The following EDIL3 variants were observed in gnomAD, a reference collection of about 807,000 sequenced individuals.
EDIL3 encodes EGF-like repeat and discoidin I-like domain-containing protein 3.
A neutral mutation model predicts 67.4 loss-of-function variants in EDIL3; 37 were observed. That is an observed-to-expected ratio of 0.55 (90% CI 0.42 to 0.72). The LOEUF (loss-of-function observed/expected upper bound fraction) is 0.72. Ranked by LOEUF, EDIL3 falls within the 30% of genes least tolerant of loss-of-function variation. The probability of loss-of-function intolerance (pLI) is 0.00; values close to 1 mark genes in which losing one functional copy is unlikely to be tolerated. For missense variants in EDIL3, 527 were observed against 586.3 expected (o/e 0.90, Z 1.04); for synonymous variants, 195 against 196.3 (o/e 0.99, Z 0.05).
In EDIL3 at chr5:84,252,493, C is replaced by CAAAAAAAAAAAAAAAAAAAAAAAAAAA. The variant is rs70975548; in HGVS notation, c.196+1590_196+1591insTTTTTTTTTTTTTTTTTTTTTTTTTTT. ...TGTGCGACAAAGTGAGACTCCGTCT[C>CAAAAAAAAAAAAAAAAAAAAAAAAAAA]AAAAAAAAAAAAAAAAAAAAAAAAA... On this transcript the variant is annotated intron_variant, in intron 2 of 10. Transcript: ENST00000296591. Among the ~76,000 whole-genome samples, 66 of 28,944 alleles carry CAAAAAAAAAAAAAAAAAAAAAAAAAAA rather than the reference C, an allele frequency of 2.3e-3. 10 individuals are homozygous for CAAAAAAAAAAAAAAAAAAAAAAAAAAA. Among genetic ancestry groups the CAAAAAAAAAAAAAAAAAAAAAAAAAAA allele is most frequent in the East Asian group, 0.011 (4 of 366 alleles). The allele number at this position is 28,944 out of a possible 152,430, so 19.0% of individuals were successfully genotyped here. A position where few individuals can be genotyped will look rare whatever the true frequency, so the allele number is the denominator to read the frequency against.
intron 1 of EDIL3, among the ~76,000 whole-genome samples, chr5:84,265,379 T>C (rs1016846026): frequency 7.9e-5 from 12 of 152,230 alleles, no homozygotes; most frequent in African/African-American, 2.9e-4. Flanking sequence ...TATATGCTTA[T>C]CTATTTAGTG....
intron 5 of EDIL3, among the ~76,000 whole-genome samples, chr5:84,111,137 C>G (rs1251441880): frequency 6.6e-6 from 1 of 152,132 alleles, no homozygotes; most frequent in African/African-American, 2.4e-5. Flanking sequence ...GCTTGCTTCC[C>G]CTTTGCCCTT....
intron 6 of EDIL3, among the ~76,000 whole-genome samples, chr5:84,075,844 A>G (rs1240763454): frequency 6.6e-6 from 1 of 151,432 alleles, no homozygotes; most frequent in Non-Finnish European, 1.5e-5. Context: ...AACCTTGTAC[A>G]AATTATCAAA....
intron 1 of EDIL3, among the ~76,000 whole-genome samples, chr5:84,257,267 C>G (rs1266359643): frequency 6.6e-6 from 1 of 152,102 alleles, no homozygotes; most frequent in Non-Finnish European, 1.5e-5. Flanking sequence ...GGCATGTGGG[C>G]CAGTCATATC....
chr5:83,979,574 T>C (rs1406881050), intron 9 of EDIL3, among the ~76,000 whole-genome samples: 1 of 152,120 alleles, frequency 6.6e-6, no homozygotes, highest in Non-Finnish European at 1.5e-5. Flanking sequence ...TGTATCAACT[T>C]GGAAAAATCT....
chr5:84,103,534 ACTT>A (rs965640647), intron 6 of EDIL3, among the ~76,000 whole-genome samples: 10 of 151,806 alleles, frequency 6.6e-5, no homozygotes, highest in African/African-American at 2.2e-4. Flanking sequence ...AAAACAAACA[ACTT>A]CATTAAAAAG....
At chr5:84,006,560 A>C (rs1029686453) in intron 9 of EDIL3, among the ~76,000 whole-genome samples, 2 of 152,132 alleles carry the variant, frequency 1.3e-5, no homozygotes, top group Non-Finnish European at 2.9e-5. Flanking sequence ...AATAGATACC[A>C]GGGCCTACTT....
At chr5:84,357,446 T>C (rs1294120298) in intron 1 of EDIL3, among the ~76,000 whole-genome samples, 1 of 152,156 alleles carries the variant, frequency 6.6e-6, no homozygotes, top group Non-Finnish European at 1.5e-5. Context: ...AGATGGCCCA[T>C]TTATCTCTAG....
chr5:84,056,825 C>T (rs1746457183), intron 9 of EDIL3, among the ~76,000 whole-genome samples: 1 of 152,074 alleles, frequency 6.6e-6, no homozygotes, highest in Non-Finnish European at 1.5e-5. Context: ...TCAGAGGCGT[C>T]TGATTTTATA....
At chr5:84,338,028 T>C (rs1160082740) in intron 1 of EDIL3, among the ~76,000 whole-genome samples, 1 of 152,150 alleles carries the variant, frequency 6.6e-6, no homozygotes, top group African/African-American at 2.4e-5. Context: ...TAAATATGCA[T>C]AGTGATCAAA....
chr5:84,044,940 T>C (rs1336224811), intron 9 of EDIL3, among the ~76,000 whole-genome samples: 2 of 152,116 alleles, frequency 1.3e-5, no homozygotes, highest in Non-Finnish European at 2.9e-5. Context: ...TAGTCCATTT[T>C]CACACTGCTG....
chr5:84,190,180 C>A (rs958748688), intron 3 of EDIL3, among the ~76,000 whole-genome samples: 3 of 151,876 alleles, frequency 2.0e-5, no homozygotes, highest in Non-Finnish European at 4.4e-5. Flanking sequence ...GATTTCCATG[C>A]AAAATTTCTT....
chr5:84,331,944 A>T (rs941534337), intron 1 of EDIL3, among the ~76,000 whole-genome samples: 5 of 152,318 alleles, frequency 3.3e-5, no homozygotes, highest in African/African-American at 1.2e-4. Flanking sequence ...CAAATTGGCA[A>T]TTATGTTGTG....
chr5:84,195,113 T>C lies in EDIL3; in HGVS notation c.227-14592A>G, dbSNP rs549911035. ...AATGATCACAATGTCACCATCTGAA[T>C]GGACAAAAAAGCTGAGGTTCACATC... On this transcript the variant is annotated intron_variant, in intron 3 of 10. Transcript: ENST00000296591. Among the ~76,000 whole-genome samples the C allele has an allele frequency of 3.3e-5, 5 of 152,052 alleles. No homozygotes were observed. The East Asian group carries it at 7.7e-4, about 24-fold the overall frequency.
At chr5:84,327,248 A>G (rs1403554555) in intron 1 of EDIL3, among the ~76,000 whole-genome samples, 1 of 151,920 alleles carries the variant, frequency 6.6e-6, no homozygotes, top group African/African-American at 2.4e-5. Context: ...CTTTGTAACT[A>G]TTGACTCAAA....
intron 9 of EDIL3, among the ~76,000 whole-genome samples, chr5:84,029,866 G>A (rs922507256): frequency 2.0e-5 from 3 of 151,986 alleles, no homozygotes; most frequent in Admixed American, 1.3e-4. Context: ...TTGCACCCAG[G>A]GAAAGATAAA....
chr5:84,154,556 G>T (rs1255255195), intron 4 of EDIL3, among the ~76,000 whole-genome samples: 1 of 149,596 alleles, frequency 6.7e-6, no homozygotes, highest in Non-Finnish European at 1.5e-5. Context: ...CATATTTATA[G>T]TTTTTTTTTC....
intron 2 of EDIL3, among the ~76,000 whole-genome samples, chr5:84,236,900 G>T (rs946602335): frequency 6.6e-6 from 1 of 151,746 alleles, no homozygotes; most frequent in East Asian, 1.9e-4. Context: ...TAATATAAAT[G>T]ATTTCTCAGA....
chr5:84,034,518 C>T (rs1745983798), intron 9 of EDIL3, among the ~76,000 whole-genome samples: 1 of 152,148 alleles, frequency 6.6e-6, no homozygotes, highest in African/African-American at 2.4e-5. Context: ...ATAGTAGACA[C>T]TGCAAAAAAC....
Sources: allele counts gnomAD v4.1 joint callset (sites outside exome capture counted in the v4.1 genomes callset), GRCh38; gene constraint gnomAD v4.1.1; transcripts MANE v1.5; gene names NCBI Gene and HGNC (gene_info 2026-07-23, HGNC 2026-07-21).